Variants in MARCHF3 observed in about 807,000 individuals in gnomAD.
The protein encoded by MARCHF3 is membrane associated ring-CH-type finger 3.
In MARCHF3, 13 loss-of-function variants were observed where a neutral mutation model predicts 24.2. The observed-to-expected ratio is 0.54, with a 90% CI of 0.35 to 0.85. The LOEUF (loss-of-function observed/expected upper bound fraction) is 0.85, where lower values mean the gene tolerates loss of function less well. MARCHF3 is among the 40% of genes least tolerant of loss of function. The pLI is 0.01. For synonymous variants in MARCHF3, 144 were observed against 137.3 expected, an observed-to-expected ratio of 1.05 and a Z score of -0.34; for missense variants, 276 against 325.0, an observed-to-expected ratio of 0.85 and a Z score of 1.16.
chr5:126,917,075 G>T (rs1350327739), intron 2 of MARCHF3, among the ~76,000 whole-genome samples: 1 of 152,192 alleles, frequency 6.6e-6, no homozygotes, highest in African/African-American at 2.4e-5. Context: ...CACCAGAGGG[G>T]TTGACTGATC....
At chr5:126,907,520 T>C (rs962162175) in intron 3 of MARCHF3, among the ~76,000 whole-genome samples, 3 of 152,080 alleles carry the variant, frequency 2.0e-5, no homozygotes, top group Non-Finnish European at 4.4e-5. Context: ...GGTGCATATA[T>C]ATATTTAGGA....
chr5:126,942,216 A>C (rs1378884082), intron 1 of MARCHF3, among the ~76,000 whole-genome samples: 1 of 152,200 alleles, frequency 6.6e-6, no homozygotes, highest in African/African-American at 2.4e-5. Context: ...TTTTTAGAGA[A>C]TCTATTAGTT....
At chr5:127,015,217 A>C (rs181326462) in intron 1 of MARCHF3, among the ~76,000 whole-genome samples, 2 of 152,216 alleles carry the variant, frequency 1.3e-5, no homozygotes, top group Non-Finnish European at 2.9e-5. Flanking sequence ...AGTTTAGCTC[A>C]GAAGTATATT....
chr5:127,010,505 A>G (rs2126856883), intron 1 of MARCHF3, among the ~76,000 whole-genome samples: 1 of 152,206 alleles, frequency 6.6e-6, no homozygotes, highest in Non-Finnish European at 1.5e-5. Context: ...TCCAGGCCCA[A>G]CTGTCACATC....
chr5:126,888,198 C>T (rs912114055), intron 3 of MARCHF3, among the ~76,000 whole-genome samples: 1 of 152,194 alleles, frequency 6.6e-6, no homozygotes, highest in Non-Finnish European at 1.5e-5. Flanking sequence ...ATTTTTGCCA[C>T]ACACATGTGC....
intron 1 of MARCHF3, among the ~76,000 whole-genome samples, chr5:126,975,031 A>G (rs1002650743): frequency 3.3e-5 from 5 of 152,220 alleles, no homozygotes; most frequent in Admixed American, 2.6e-4. Context: ...ATCTCAGCTC[A>G]CTGCAACCTC....
intron 1 of MARCHF3, among the ~76,000 whole-genome samples, chr5:126,939,385 C>T (rs946710401): frequency 4.6e-5 from 7 of 152,188 alleles, no homozygotes; most frequent in Non-Finnish European, 8.8e-5. Flanking sequence ...TGGGAGAACA[C>T]TTACTAACAC....
chr5:126,977,166 T>G (rs1751230753), intron 1 of MARCHF3, among the ~76,000 whole-genome samples: 1 of 152,184 alleles, frequency 6.6e-6, no homozygotes, highest in Non-Finnish European at 1.5e-5. Flanking sequence ...GCTGAGGGGA[T>G]CACATGAAGT....
At chr5:126,914,859 G>A (rs1754666759) in intron 3 of MARCHF3, 71 bp downstream of exon 3, 1 of 1,501,928 alleles carries the variant, frequency 6.7e-7, no homozygotes, top group Non-Finnish European at 9.2e-7. Flanking sequence ...CAGGGCTTGT[G>A]ATCCAGGCAT....
intron 3 of MARCHF3, among the ~76,000 whole-genome samples, chr5:126,890,581 T>C (rs761680723): frequency 4.6e-5 from 7 of 152,012 alleles, no homozygotes; most frequent in Non-Finnish European, 7.3e-5. Flanking sequence ...AATGAAGTTT[T>C]CCAGTTTCAT....
At chr5:126,956,141 T>C (rs2126819163) in intron 1 of MARCHF3, among the ~76,000 whole-genome samples, 1 of 152,292 alleles carries the variant, frequency 6.6e-6, no homozygotes, top group East Asian at 1.9e-4. Flanking sequence ...AATGAATAGG[T>C]CTCAGATTTT....
intron 1 of MARCHF3, among the ~76,000 whole-genome samples, chr5:127,015,401 C>T (rs985625598): frequency 1.3e-5 from 2 of 152,020 alleles, no homozygotes; most frequent in African/African-American, 4.8e-5. Context: ...AAGTTCTTGC[C>T]AACGTTAAAT....
intron 3 of MARCHF3, among the ~76,000 whole-genome samples, chr5:126,910,572 TTAACACTTTTA>T (rs1272606769): frequency 1.3e-5 from 2 of 152,246 alleles, no homozygotes; most frequent in Non-Finnish European, 2.9e-5. Context: ...GTTCCCCAAA[TTAACACTTTTA>T]TAATTTCTTA....
intron 4 of MARCHF3, among the ~76,000 whole-genome samples, chr5:126,875,327 T>TG (rs1753111193): frequency 6.6e-6 from 1 of 152,150 alleles, no homozygotes; most frequent in African/African-American, 2.4e-5. Flanking sequence ...TGGACCTGCA[T>TG]GGCCACGTGT....
rs768316929 is a variant in MARCHF3 at position 126,914,934 on chromosome 5, A to C, written c.389T>G (p.Val130Gly). 6.2e-7 allele frequency: 1 copy of C among 1,614,078 alleles called. No individual in the cohort carries two copies. Among genetic ancestry groups the C allele is most frequent in the Admixed American group, 1.7e-5 (1 of 60,008 alleles). Residue 130 changes from valine (V) to glycine (G), a missense_variant, in exon 3 of 5, where the codon GTG (valine) becomes GGG (glycine). Coordinates refer to ENST00000308660, the MANE Select transcript of MARCHF3 (RefSeq NM_178450.5). Reference protein sequence around the residue: ...FAVERKPRPLVEWLRNPGPQH... With the variant: ...FAVERKPRPLGEWLRNPGPQH... Reference sequence around the variant, plus strand: ...GGACGTGCCCCACTTACTGACCTCCACTAACGGCCTGGGTTTGCGCTCGAC... The same window carrying C: ...GGACGTGCCCCACTTACTGACCTCCCCTAACGGCCTGGGTTTGCGCTCGAC...
intron 1 of MARCHF3, among the ~76,000 whole-genome samples, chr5:126,993,080 C>T (rs1751826826): frequency 6.6e-6 from 1 of 152,096 alleles, no homozygotes; most frequent in Non-Finnish European, 1.5e-5. Context: ...CCGACATCCC[C>T]GTTATTTTAA....
intron 1 of MARCHF3, among the ~76,000 whole-genome samples, chr5:127,001,572 C>T (rs1195061307): frequency 6.6e-6 from 1 of 152,154 alleles, no homozygotes; most frequent in Non-Finnish European, 1.5e-5. Context: ...CCCTCCCATT[C>T]CTCACCCCAC....
intron 3 of MARCHF3, among the ~76,000 whole-genome samples, chr5:126,899,491 A>T (rs1754032946): frequency 6.6e-6 from 1 of 152,140 alleles, no homozygotes; most frequent in Non-Finnish European, 1.5e-5. Flanking sequence ...ATTTTGGATT[A>T]AAAGATTCCT....
At chr5:127,012,042 G>A (rs993908977) in intron 1 of MARCHF3, among the ~76,000 whole-genome samples, 9 of 152,188 alleles carry the variant, frequency 5.9e-5, no homozygotes, top group East Asian at 1.9e-4. Context: ...TGCAGCAAGC[G>A]TGGTGAGACA....
Sources: gnomAD v4.1 joint callset for allele counts (sites outside exome capture counted in the v4.1 genomes callset) on GRCh38, gnomAD v4.1.1 for gene constraint, MANE v1.5 for transcripts, NCBI Gene and HGNC (gene_info 2026-07-23, HGNC 2026-07-21) for gene names.